CORO2B: variants seen among roughly 807,000 people sequenced by gnomAD.
CORO2B encodes coronin 2B, also known as coronin-2B.
A neutral mutation model predicts 58.8 loss-of-function variants in CORO2B; 26 were observed. That is an observed-to-expected ratio of 0.44 (90% CI 0.32 to 0.61). The LOEUF is 0.61. Among genes scored for constraint, CORO2B ranks in the 20% least tolerant of loss-of-function variants. The pLI is 0.04. For missense variants in CORO2B, 460 were observed against 645.1 expected, an observed-to-expected ratio of 0.71 and a Z score of 3.11; for synonymous variants, 242 against 253.8, an observed-to-expected ratio of 0.95 and a Z score of 0.44.
At chr15:68,709,448 T>A (rs4272984) in intron 3 of CORO2B, among the ~76,000 whole-genome samples, 117,423 of 135,822 alleles carry the variant, frequency 0.86, 51,912 homozygotes, top group East Asian at 0.99. Flanking sequence ...TCGAAAAGAT[T>A]TTTTTTTCGT....
chr15:68,655,217 CTTCTA>C (rs1360676544), intron 2 of CORO2B, among the ~76,000 whole-genome samples: 5 of 152,200 alleles, frequency 3.3e-5, no homozygotes, highest in Admixed American at 3.3e-4. Flanking sequence ...AGCTATATTT[CTTCTA>C]TTATTAAAAG....
chr15:68,521,527 T>G, the CORO2B span, among the ~76,000 whole-genome samples: 678 of 152,354 alleles, frequency 4.5e-3, 7 homozygotes, highest in African/African-American at 0.015. Context: ...TCTTCATTCC[T>G]TCTTACATTT....
At chr15:68,671,224 A>T (rs902637450) in intron 2 of CORO2B, among the ~76,000 whole-genome samples, 1 of 152,184 alleles carries the variant, frequency 6.6e-6, no homozygotes, top group Non-Finnish European at 1.5e-5. Context: ...CATAATAGGA[A>T]TTATTCTTCC....
the CORO2B span, among the ~76,000 whole-genome samples, chr15:68,539,233 C>T: frequency 1.3e-5 from 2 of 152,176 alleles, no homozygotes; most frequent in Non-Finnish European, 2.9e-5. Flanking sequence ...GTAGCGCCCT[C>T]TACTGACAAC....
At chr15:68,546,196 G>A in the CORO2B span, among the ~76,000 whole-genome samples, 3 of 152,138 alleles carry the variant, frequency 2.0e-5, no homozygotes, top group Non-Finnish European at 2.9e-5. Flanking sequence ...GAGGTTGACC[G>A]GACAAGGGAT....
At chr15:68,629,764 C>T (rs1423636396) in intron 1 of CORO2B, among the ~76,000 whole-genome samples, 3 of 151,060 alleles carry the variant, frequency 2.0e-5, no homozygotes, top group Non-Finnish European at 4.4e-5. Flanking sequence ...AGAACCCTGA[C>T]CTCATGACTG....
chr15:68,605,717 T>TG (rs1566983096), intron 1 of CORO2B, among the ~76,000 whole-genome samples: 1 of 122,936 alleles, frequency 8.1e-6, no homozygotes, highest in Non-Finnish European at 1.8e-5. Flanking sequence ...TTGGGTTTTT[T>TG]TTTTTTTTTT....
intron 4 of CORO2B, among the ~76,000 whole-genome samples, chr15:68,711,304 C>G (rs893547936): frequency 6.6e-6 from 1 of 152,238 alleles, no homozygotes; most frequent in African/African-American, 2.4e-5. Context: ...ATCCTTCTTG[C>G]TCTTCCATAA....
intron 1 of CORO2B, among the ~76,000 whole-genome samples, chr15:68,580,638 T>C (rs1294102245): frequency 6.6e-6 from 1 of 152,158 alleles, no homozygotes; most frequent in Non-Finnish European, 1.5e-5. Flanking sequence ...AGGGCTGTTG[T>C]GGCCCACCTG....
chr15:68,594,179 G>A (rs1046622677), intron 1 of CORO2B, among the ~76,000 whole-genome samples: 1 of 152,210 alleles, frequency 6.6e-6, no homozygotes, highest in African/African-American at 2.4e-5. Flanking sequence ...GAGGTTTGCA[G>A]CCAGAACTCT....
intron 11 of CORO2B, 31 bp downstream of exon 11, chr15:68,719,583 C>T (rs777148481): frequency 3.8e-6 from 6 of 1,593,792 alleles, no homozygotes; most frequent in South Asian, 3.4e-5. Context: ...CCTCCACAGG[C>T]CCTGGAAGAG....
chr15:68,537,411 T>G, the CORO2B span, among the ~76,000 whole-genome samples: 8 of 151,962 alleles, frequency 5.3e-5, no homozygotes, highest in Admixed American at 1.3e-4. Context: ...AGGGCAGAGG[T>G]TAGCAAACTA....
intron 2 of CORO2B, among the ~76,000 whole-genome samples, chr15:68,674,657 G>A (rs1902516112): frequency 6.6e-6 from 1 of 152,220 alleles, no homozygotes; most frequent in Admixed American, 6.5e-5. Flanking sequence ...AGGCTCGTGG[G>A]CAGTGGCTTC....
At chr15:68,648,029 CAAAA>C (rs59821203) in intron 2 of CORO2B, among the ~76,000 whole-genome samples, 1 of 84,298 alleles carries the variant, frequency 1.2e-5, no homozygotes, top group African/African-American at 5.2e-5. Flanking sequence ...TCCTGTCTCT[CAAAA>C]AAAAAAAAAA....
Position 68,719,566 on chromosome 15 carries a change from G to A in CORO2B, c.1311+14G>A. 1 of 1,609,444 alleles carries A rather than the reference G, an allele frequency of 6.2e-7. No individual in the cohort carries two copies. The highest frequency in any genetic ancestry group is 8.5e-7 in the Non-Finnish European group (1 of 1,178,424). Reference sequence around the variant, plus strand: ...ACAGAGAATGAGGTAAGGAATGTAAGTTATTACCTCCACAGGCCCTGGAAG... The same window carrying A: ...ACAGAGAATGAGGTAAGGAATGTAAATTATTACCTCCACAGGCCCTGGAAG... On this transcript the variant is annotated intron_variant, in intron 11 of 11. Transcript: ENST00000261861.
intron 2 of CORO2B, among the ~76,000 whole-genome samples, chr15:68,663,092 T>C (rs1902066183): frequency 6.6e-6 from 1 of 152,190 alleles, no homozygotes; most frequent in Admixed American, 6.5e-5. Context: ...CCCAAACAAT[T>C]CAAACCCGTG....
At chr15:68,677,390 G>A (rs56030116) in intron 2 of CORO2B, among the ~76,000 whole-genome samples, 2,853 of 152,316 alleles carry the variant, frequency 0.019, 100 homozygotes, top group African/African-American at 0.066. Context: ...GATAGGGCTA[G>A]CTGAAGGCCA....
At chr15:68,587,906 T>C (rs1368856643) in intron 1 of CORO2B, among the ~76,000 whole-genome samples, 1 of 152,176 alleles carries the variant, frequency 6.6e-6, no homozygotes, top group Non-Finnish European at 1.5e-5. Context: ...CCCGGAAATA[T>C]GTGGTCCAGA....
chr15:68,545,049 C>T, the CORO2B span, among the ~76,000 whole-genome samples: 1 of 152,194 alleles, frequency 6.6e-6, no homozygotes, highest in African/African-American at 2.4e-5. Flanking sequence ...GCTGGGATTA[C>T]AGGCTTGAGC....
Sources: allele counts gnomAD v4.1 joint callset (sites outside exome capture counted in the v4.1 genomes callset), GRCh38; gene constraint gnomAD v4.1.1; transcripts MANE v1.5; gene names NCBI Gene and HGNC (gene_info 2026-07-23, HGNC 2026-07-21).